Variants in PHB1 observed in about 807,000 individuals in gnomAD.
PHB1 encodes epididymis luminal protein 215.
the PHB1 span, chr17:49,409,599 T>C: frequency 2.7e-6 from 2 of 730,826 alleles, no homozygotes; most frequent in South Asian, 1.8e-5. Flanking sequence ...TGGAGTACAA[T>C]GGGACAATCT....
chr17:49,411,829 C>T, the PHB1 span: 3 of 1,613,650 alleles, frequency 1.9e-6, no homozygotes, highest in Non-Finnish European at 2.5e-6. Flanking sequence ...CAGCTCTGTG[C>T]CCAGCATCCA....
At chr17:49,413,329 C>T in the PHB1 span, 1 of 1,191,660 alleles carries the variant, frequency 8.4e-7, no homozygotes, top group Admixed American at 1.9e-5. Context: ...AAACTTGATG[C>T]CAAATCCTCA....
At chr17:49,408,248 T>C in the PHB1 span, among the ~76,000 whole-genome samples, 9 of 152,332 alleles carry the variant, frequency 5.9e-5, no homozygotes, top group South Asian at 1.2e-3. Context: ...CACTGGGTGT[T>C]GTCAAGTGGC....
At chr17:49,413,363 A>T in the PHB1 span, 2 of 798,388 alleles carry the variant, frequency 2.5e-6, no homozygotes, top group South Asian at 2.9e-5. Context: ...CTGACACACA[A>T]CAGTCACTTT....
At chr17:49,409,374 C>T in the PHB1 span, 5 of 1,614,174 alleles carry the variant, frequency 3.1e-6, no homozygotes, top group Non-Finnish European at 4.2e-6. Flanking sequence ...CGGCAGCACA[C>T]GCTCATCATA....
the PHB1 span, chr17:49,407,327 G>T: frequency 3.0e-5 from 5 of 167,676 alleles, no homozygotes; most frequent in African/African-American, 1.2e-4. Flanking sequence ...AGAGCCTGAT[G>T]CTCTCTGTTT....
the PHB1 span, chr17:49,404,908 G>A: frequency 1.1e-6 from 1 of 870,848 alleles, no homozygotes; most frequent in Non-Finnish European, 1.9e-6. Flanking sequence ...GTGATTTCTG[G>A]GGTGGGAGCA....
chr17:49,408,804 G>A, the PHB1 span: 1 of 487,188 alleles, frequency 2.1e-6, no homozygotes, highest in Non-Finnish European at 3.6e-6. Context: ...AGTGGTTAGA[G>A]ACTATCTGGA....
At chr17:49,409,513 C>T in the PHB1 span, 1 of 1,544,108 alleles carries the variant, frequency 6.5e-7, no homozygotes, top group Non-Finnish European at 8.8e-7. Flanking sequence ...AAAATAAAAA[C>T]CACTGTAGGA....
chr17:49,409,458 T>G, the PHB1 span: 1 of 1,613,906 alleles, frequency 6.2e-7, no homozygotes, highest in Non-Finnish European at 8.5e-7. Flanking sequence ...CAGTGTGATG[T>G]TGACATTCTG....
At chr17:49,408,731 G>A in the PHB1 span, 7 of 250,272 alleles carry the variant, frequency 2.8e-5, no homozygotes, top group Non-Finnish European at 2.3e-5. Flanking sequence ...GTTTCTGCCT[G>A]TGTCAAACAG....
chr17:49,406,389 C>G, the PHB1 span, among the ~76,000 whole-genome samples: 67 of 152,348 alleles, frequency 4.4e-4, 1 homozygote, highest in East Asian at 0.013. Flanking sequence ...GTGACGAAAG[C>G]ACATCTGGTG....
the PHB1 span, chr17:49,405,219 G>T: frequency 1.2e-6 from 2 of 1,610,602 alleles, no homozygotes; most frequent in Middle Eastern, 1.7e-4. Context: ...AAGAATGGAG[G>T]TGGAGACAAA....
the PHB1 span, chr17:49,406,727 G>C: frequency 2.0e-6 from 3 of 1,487,306 alleles, no homozygotes; most frequent in Admixed American, 5.0e-5. Flanking sequence ...AAAGGGGAGA[G>C]AGAGGCTCCT....
chr17:49,409,959 C>T, the PHB1 span, among the ~76,000 whole-genome samples: 29 of 152,272 alleles, frequency 1.9e-4, no homozygotes, highest in Non-Finnish European at 3.1e-4. Context: ...CTCACTGTAG[C>T]CGCTTTGACC....
chr17:49,412,033 G>A, the PHB1 span: 1 of 558,032 alleles, frequency 1.8e-6, no homozygotes, highest in Non-Finnish European at 3.2e-6. Context: ...TGTTCCACAT[G>A]TCCCCAAGGA....
the PHB1 span, chr17:49,409,532 GTTTTTTTTTTGTTT>G: frequency 5.4e-6 from 4 of 744,666 alleles, no homozygotes; most frequent in South Asian, 2.1e-5. Flanking sequence ...GAAAACAAGT[GTTTTTTTTTTGTTT>G]TTTTTTTTTT....
chr17:49,408,974 A>C, the PHB1 span: 7 of 961,438 alleles, frequency 7.3e-6, no homozygotes, highest in South Asian at 9.4e-5. Context: ...GTCTACCCAG[A>C]AATGGAGCCA....
the PHB1 span, chr17:49,413,152 G>A: frequency 1.3e-6 from 2 of 1,544,722 alleles, no homozygotes; most frequent in Middle Eastern, 1.8e-4. Context: ...AAAGTGCAGT[G>A]ACCCACTGTC....
Sources: gnomAD v4.1 joint callset for allele counts (sites outside exome capture counted in the v4.1 genomes callset) on GRCh38, gnomAD v4.1.1 for gene constraint, MANE v1.5 for transcripts, NCBI Gene and HGNC (gene_info 2026-07-23, HGNC 2026-07-21) for gene names.